Variants in SLC9C2 observed in about 807,000 individuals in gnomAD.
The protein encoded by SLC9C2 is solute carrier family 9 member C2 (putative).
SLC9C2 carries 75 observed loss-of-function variants against 140.2 expected under a neutral mutation model. The ratio of observed to expected loss-of-function variants is 0.53; its 90% CI spans 0.44 to 0.65. The LOEUF is 0.65. SLC9C2 is among the 30% of genes least tolerant of loss of function. The pLI is 0.00. For synonymous variants in SLC9C2, 375 were observed against 420.9 expected (o/e 0.89, Z 1.34); for missense variants, 1,074 against 1,331.8 (o/e 0.81, Z 3.01).
At chr1:173,536,538 C>A (rs190768276) in intron 14 of SLC9C2, among the ~76,000 whole-genome samples, 5 of 152,332 alleles carry the variant, frequency 3.3e-5, no homozygotes, top group Admixed American at 3.3e-4. Context: ...CCCCAGGGAG[C>A]AGTCTAATGG....
At chr1:173,598,685 G>C (rs1204568103) in intron 3 of SLC9C2, among the ~76,000 whole-genome samples, 12 of 152,118 alleles carry the variant, frequency 7.9e-5, no homozygotes, top group Non-Finnish European at 2.9e-5. Flanking sequence ...CTGTAAAATG[G>C]AAATAGAGTA....
chr1:173,567,902 A>T (rs1025288290), intron 9 of SLC9C2, among the ~76,000 whole-genome samples: 1 of 152,164 alleles, frequency 6.6e-6, no homozygotes, highest in Non-Finnish European at 1.5e-5. Context: ...GATGACACTT[A>T]ACACTAATTG....
At chr1:173,601,492 C>A (rs1005667899) in intron 2 of SLC9C2, among the ~76,000 whole-genome samples, 158 bp downstream of exon 2, 2 of 152,158 alleles carry the variant, frequency 1.3e-5, no homozygotes, top group Non-Finnish European at 2.9e-5. Flanking sequence ...AGAATAGACA[C>A]TACTTATAAT....
chr1:173,573,324 A>G lies in SLC9C2; in HGVS notation c.904T>C (p.Phe302Leu), dbSNP rs772806914. 6.7e-7 allele frequency: 1 copy of G among 1,483,584 alleles called. No homozygotes were observed. 91.9% of individuals were successfully genotyped at this position (1,483,584 alleles called of 1,614,324 possible). A position where few individuals can be genotyped will look rare whatever the true frequency, so the allele number is the denominator to read the frequency against. Residue 302 changes from phenylalanine (F) to leucine (L), a missense_variant and splice_region_variant, in exon 9 of 28, where the codon TTC (phenylalanine) becomes CTC (leucine). Physicochemically the swap from Phe to Leu is conservative, Grantham distance 22. Coordinates refer to ENST00000367714, the MANE Select transcript of SLC9C2 (RefSeq NM_178527.4). The part of the protein sequence containing the change: ...KPKIELVITK[F>L]LRIFSSVYEH... The stretch of plus-strand genomic sequence containing the variant: ...TATACAGATGAAAAAATTCTTAAGA[A>G]CCTAGGATGAATGAAATAGAAATGA...
At chr1:173,602,322 A>T (rs16846288) in intron 1 of SLC9C2, among the ~76,000 whole-genome samples, 24,094 of 152,124 alleles carry the variant, frequency 0.16, 6,354 homozygotes, top group African/African-American at 0.55. Flanking sequence ...ATTCCATTTT[A>T]CCACTCCAGC....
chr1:173,541,499 C>T (rs1301610870), intron 13 of SLC9C2, among the ~76,000 whole-genome samples: 10 of 152,142 alleles, frequency 6.6e-5, no homozygotes, highest in African/African-American at 2.2e-4. Context: ...CAGCTCTGCA[C>T]CAAGTGGACC....
chr1:173,556,927 CAAAAAAAAA>C (rs79800435), intron 10 of SLC9C2, among the ~76,000 whole-genome samples: 258 of 70,790 alleles, frequency 3.6e-3, no homozygotes, highest in Non-Finnish European at 6.0e-3. Flanking sequence ...AATCTTGTCT[CAAAAAAAAA>C]AAAAAAGAAA....
chr1:173,505,419 A>C, intron 25 of SLC9C2, 88 bp from the exon 26 acceptor site: 1 of 1,012,796 alleles, frequency 9.9e-7, no homozygotes, highest in African/African-American at 1.6e-5. Context: ...AGTATAAAAA[A>C]TAAGCCAAAG....
chr1:173,513,506 C>A (rs1660193128), intron 23 of SLC9C2, among the ~76,000 whole-genome samples: 1 of 152,000 alleles, frequency 6.6e-6, no homozygotes, highest in Non-Finnish European at 1.5e-5. Flanking sequence ...GTGGTGATAT[C>A]CCCTTTATCA....
At chr1:173,539,609 T>C (rs564922752) in intron 13 of SLC9C2, among the ~76,000 whole-genome samples, 1 of 152,266 alleles carries the variant, frequency 6.6e-6, no homozygotes, top group East Asian at 1.9e-4. Context: ...AGATTACAGA[T>C]TTGTAGAGCA....
chr1:173,561,879 ACACACACC>A lies in SLC9C2; in HGVS notation c.1047-4379_1047-4372del, dbSNP rs1664141839. ...CAGACACAGACACACACACACACAC[ACACACACC>A]CCCAACTGTAACTAATCCAACAATC... On this transcript the variant is annotated intron_variant, in intron 9 of 27. Coordinates refer to ENST00000367714, the MANE Select transcript of SLC9C2 (RefSeq NM_178527.4). Among the ~76,000 whole-genome samples, 8 of 151,836 alleles carry A rather than the reference ACACACACC, an allele frequency of 5.3e-5. No individual in the cohort carries two copies. In the South Asian group the frequency reaches 6.3e-4, roughly 12 times the overall value.
intron 13 of SLC9C2, among the ~76,000 whole-genome samples, chr1:173,544,641 A>G (rs1404594944): frequency 1.3e-5 from 2 of 152,210 alleles, no homozygotes; most frequent in Non-Finnish European, 1.5e-5. Context: ...GATTAAGAAA[A>G]TGTGGCACAT....
intron 1 of SLC9C2, among the ~76,000 whole-genome samples, chr1:173,602,422 T>C (rs554439621): frequency 3.9e-5 from 6 of 152,190 alleles, no homozygotes; most frequent in South Asian, 2.1e-4. Flanking sequence ...CCAGTTAAGG[T>C]TGGGGGTGAG....
Position 173,587,766 on chromosome 1 carries a change from T to G in SLC9C2, c.422A>C (p.Lys141Thr), listed in dbSNP as rs1413918253. Reference sequence around the variant, plus strand: ...CAAATCCCATGAATCTTTATTGAATTTTATAACGACATATCCAATTATGAT... The same window carrying G: ...CAAATCCCATGAATCTTTATTGAATGTTATAACGACATATCCAATTATGAT... ...ASIIIGYVVI[K>T]FNKDSWDLQS... is the part of the protein sequence containing the mutation. The change falls in exon 5 of 28, where the codon AAA becomes ACA. Residue 141 changes from lysine (K) to threonine (T), a missense_variant. Lys to Thr is a moderately conservative substitution (Grantham distance 78). Coordinates refer to ENST00000367714, the MANE Select transcript of SLC9C2 (RefSeq NM_178527.4). 15 of 1,613,276 alleles carry G rather than the reference T, an allele frequency of 9.3e-6. No homozygotes were observed. The highest frequency in any genetic ancestry group is 9.3e-6 in the Non-Finnish European group (11 of 1,179,622).
At position 173,505,251 on chromosome 1, in the gene SLC9C2, G is replaced by A. The variant is rs1659552001; in HGVS notation, c.3306C>T (p.Val1102=). The A allele has an allele frequency of 2.5e-6, 4 of 1,612,594 alleles. No individual in the cohort carries two copies. The South Asian group carries it at 3.3e-5, about 13-fold the overall frequency. Residue 1102 remains valine, a synonymous_variant, in exon 26 of 28, where the codon GTC becomes GTT. Transcript: ENST00000367714. ...ELTQRNSNTN[V]MASVNTVFEQ... ...CACTAAAGGTCTACCCCTTACCCATGACATTGGTGTTACTATTTCTTTGGG... is the reference window on the plus strand; with the variant it reads ...CACTAAAGGTCTACCCCTTACCCATAACATTGGTGTTACTATTTCTTTGGG...
intron 13 of SLC9C2, among the ~76,000 whole-genome samples, chr1:173,542,071 C>T (rs1662471230): frequency 6.6e-6 from 1 of 152,042 alleles, no homozygotes; most frequent in Admixed American, 6.5e-5. Context: ...AATCCAGGAG[C>T]TGGTTTTTTG....
intron 9 of SLC9C2, among the ~76,000 whole-genome samples, chr1:173,570,020 T>A (rs1204967121): frequency 2.6e-5 from 4 of 152,130 alleles, no homozygotes; most frequent in African/African-American, 9.7e-5. Context: ...TCAAGCCAGC[T>A]TTTAATGAAT....
chr1:173,541,413 G>T (rs1284748800), intron 13 of SLC9C2, among the ~76,000 whole-genome samples: 1 of 152,132 alleles, frequency 6.6e-6, no homozygotes, highest in Non-Finnish European at 1.5e-5. Flanking sequence ...AATAATGGGA[G>T]ATTTTAACAC....
chr1:173,552,830 G>C (rs1663410749), intron 11 of SLC9C2, among the ~76,000 whole-genome samples: 1 of 152,136 alleles, frequency 6.6e-6, no homozygotes, highest in Non-Finnish European at 1.5e-5. Context: ...CAAGTATCAA[G>C]GAGTCATTTT....
Sources: gnomAD v4.1 joint callset for allele counts (sites outside exome capture counted in the v4.1 genomes callset) on GRCh38, gnomAD v4.1.1 for gene constraint, MANE v1.5 for transcripts, NCBI Gene and HGNC (gene_info 2026-07-23, HGNC 2026-07-21) for gene names.